The following CRLF3 variants were observed in gnomAD, a reference collection of about 807,000 sequenced individuals.
The protein encoded by CRLF3 is cytokine receptor-like factor 3.
CRLF3 carries 33 observed loss-of-function variants against 55.0 expected under a neutral mutation model. That is an observed-to-expected ratio of 0.60 (90% CI 0.46 to 0.80). CRLF3 has a LOEUF of 0.80. CRLF3 is among the 30% of genes least tolerant of loss of function. The pLI is 0.00. For missense variants in CRLF3, 494 were observed against 538.4 expected (o/e 0.92, Z 0.82); for synonymous variants, 238 against 196.8 (o/e 1.21, Z -1.75).
chr17:30,785,323 C>T (rs747796160), intron 7 of CRLF3, among the ~76,000 whole-genome samples: 1 of 151,902 alleles, frequency 6.6e-6, no homozygotes, highest in Non-Finnish European at 1.5e-5. Context: ...GATTTGCCCG[C>T]CTTGGCCTCC....
chr17:30,793,989 C>T (rs1178916449), intron 4 of CRLF3, among the ~76,000 whole-genome samples: 2 of 152,102 alleles, frequency 1.3e-5, no homozygotes, highest in Non-Finnish European at 2.9e-5. Context: ...CAGGTGCACA[C>T]CACCATGTCC....
Position 30,786,047 on chromosome 17 carries a change from A to C in CRLF3, c.960-16T>G. 1 of 1,365,186 alleles carries C rather than the reference A, an allele frequency of 7.3e-7. No individual in the cohort carries two copies. Among genetic ancestry groups the C allele is most frequent in the Non-Finnish European group, 1.0e-6 (1 of 959,132 alleles). 84.6% of individuals were successfully genotyped at this position (1,365,186 alleles called of 1,614,324 possible). ...AGTTTCAACTCTGTAAATGAAGTAG[A>C]AAGGTCATTTCATACTTTTAAAAAT... On this transcript the variant is annotated splice_polypyrimidine_tract_variant and intron_variant, in intron 6 of 7. Transcript: ENST00000324238.
At position 30,783,886 on chromosome 17, in the gene CRLF3, T is replaced by C. The variant is rs1971565683; in HGVS notation, c.*301A>G. 1 of 242,784 alleles carries C rather than the reference T, an allele frequency of 4.1e-6. No individual in the cohort carries two copies. The highest frequency in any genetic ancestry group is 1.0e-4 in the South Asian group (1 of 9,952). The allele number at this position is 242,784 out of a possible 1,614,324, so 15.0% of individuals were successfully genotyped here. On this transcript the variant is annotated 3_prime_UTR_variant, in exon 8 of 8. Transcript: ENST00000324238. ...GTTTTCCTGGTCTAATAACCAACTT[T>C]GAGAAGTACAGTGGAAGGGTATAGA...
chr17:30,818,266 A>G (rs1196441517), intron 1 of CRLF3, among the ~76,000 whole-genome samples: 1 of 152,030 alleles, frequency 6.6e-6, no homozygotes, highest in Non-Finnish European at 1.5e-5. Flanking sequence ...ATTAAAAAAA[A>G]AAAATTATTT....
intron 6 of CRLF3, among the ~76,000 whole-genome samples, chr17:30,787,145 ATTC>A (rs1971666454): frequency 6.6e-6 from 1 of 152,178 alleles, no homozygotes; most frequent in South Asian, 2.1e-4. Flanking sequence ...TAGAATCTAT[ATTC>A]TTAACCATTT....
intron 7 of CRLF3, 161 bp from the exon 8 acceptor site, chr17:30,784,604 C>T (rs1305104334): frequency 1.6e-6 from 1 of 628,876 alleles, no homozygotes; most frequent in African/African-American, 1.8e-5. Flanking sequence ...CAGGGTTGTA[C>T]TCTTCCAGCA....
chr17:30,791,642 C>G (rs1292844593), intron 6 of CRLF3, among the ~76,000 whole-genome samples: 1 of 151,320 alleles, frequency 6.6e-6, no homozygotes, highest in Non-Finnish European at 1.5e-5. Context: ...CTCAGCCTCC[C>G]GAGTAGCTGG....
At chr17:30,784,513 T>C in intron 7 of CRLF3, 70 bp from the exon 8 acceptor site, 1 of 1,317,982 alleles carries the variant, frequency 7.6e-7, no homozygotes, top group South Asian at 1.3e-5. Context: ...GTTTCTAGAT[T>C]ACTGGTAACA....
chr17:30,808,263 C>T (rs549626460), intron 1 of CRLF3, among the ~76,000 whole-genome samples: 5 of 149,912 alleles, frequency 3.3e-5, no homozygotes, highest in Non-Finnish European at 7.4e-5. Context: ...TCCTCCTCCT[C>T]CCCTAGAACC....
chr17:30,793,244 T>C (rs1971851716), intron 5 of CRLF3, among the ~76,000 whole-genome samples: 1 of 139,890 alleles, frequency 7.1e-6, no homozygotes, highest in Non-Finnish European at 1.5e-5. Context: ...CTAAAAATCT[T>C]GTCCAGCATT....
chr17:30,815,518 G>A (rs920979142), intron 1 of CRLF3, among the ~76,000 whole-genome samples: 10 of 148,354 alleles, frequency 6.7e-5, no homozygotes, highest in African/African-American at 1.0e-4. Flanking sequence ...CACCCTGCCC[G>A]ACCAGAAAAT....
At chr17:30,805,583 G>A (rs1427100774) in intron 1 of CRLF3, among the ~76,000 whole-genome samples, 6 of 151,974 alleles carry the variant, frequency 3.9e-5, no homozygotes, top group Non-Finnish European at 8.8e-5. Context: ...GTTTGGTGGT[G>A]CATGCCTGTA....
chr17:30,815,940 T>G (rs1904785933), intron 1 of CRLF3, among the ~76,000 whole-genome samples: 1 of 151,292 alleles, frequency 6.6e-6, no homozygotes. Flanking sequence ...TTAAAGATGA[T>G]TTCTGTACAT....
intron 1 of CRLF3, among the ~76,000 whole-genome samples, chr17:30,819,424 G>A (rs1346670419): frequency 6.6e-6 from 1 of 152,212 alleles, no homozygotes; most frequent in Non-Finnish European, 1.5e-5. Context: ...GCCACTCTGT[G>A]AGGCCTGAGT....
In CRLF3 at chr17:30,783,090, C is replaced by G. The variant is rs1971537092; in HGVS notation, c.*1097G>C. 3 of 152,088 alleles carry G rather than the reference C, an allele frequency of 2.0e-5. No homozygotes were observed. The highest frequency in any genetic ancestry group is 4.8e-5 in the African/African-American group (2 of 41,390). The allele number at this position is 152,088 out of a possible 1,614,324, so 9.4% of individuals were successfully genotyped here. ...AAAAAGAGACCACTTATTAAACTGA[C>G]ATTAAACTGGACTGCAGCTCATTCT... is the stretch of plus-strand genomic sequence containing the variant. On this transcript the variant is annotated 3_prime_UTR_variant, in exon 8 of 8. Coordinates refer to ENST00000324238, the MANE Select transcript of CRLF3 (RefSeq NM_015986.4).
intron 1 of CRLF3, among the ~76,000 whole-genome samples, chr17:30,815,811 TG>T (rs1254224187): frequency 6.6e-6 from 1 of 150,600 alleles, no homozygotes; most frequent in African/African-American, 2.4e-5. Flanking sequence ...CCCTAAATCC[TG>T]GGATTACAGG....
intron 1 of CRLF3, among the ~76,000 whole-genome samples, chr17:30,817,696 A>G (rs2142274213): frequency 6.7e-6 from 1 of 149,326 alleles, no homozygotes; most frequent in South Asian, 2.1e-4. Context: ...TCATGAGGTC[A>G]ACAGATGGAG....
chr17:30,809,149 C>T (rs1255187104), intron 1 of CRLF3, among the ~76,000 whole-genome samples: 1 of 152,148 alleles, frequency 6.6e-6, no homozygotes, highest in Non-Finnish European at 1.5e-5. Context: ...GCAGAGCCTA[C>T]GTTTTGTTTT....
At chr17:30,787,130 C>T (rs1037275187) in intron 6 of CRLF3, among the ~76,000 whole-genome samples, 10 of 152,170 alleles carry the variant, frequency 6.6e-5, no homozygotes, top group South Asian at 2.1e-4. Context: ...CCACCGTGCC[C>T]GGCCTAGAAT....
Sources: gnomAD v4.1 joint callset for allele counts (sites outside exome capture counted in the v4.1 genomes callset) on GRCh38, gnomAD v4.1.1 for gene constraint, MANE v1.5 for transcripts, NCBI Gene and HGNC (gene_info 2026-07-23, HGNC 2026-07-21) for gene names.